The following PCDH15 variants were observed in gnomAD, a reference collection of about 807,000 sequenced individuals.
PCDH15 encodes the protein protocadherin-15.
PCDH15 carries 129 observed loss-of-function variants against 178.5 expected under a neutral mutation model. That is an observed-to-expected ratio of 0.72 (90% CI 0.63 to 0.84). The LOEUF is 0.84. PCDH15 is among the 40% of genes least tolerant of loss of function. The pLI is 0.00. For missense variants in PCDH15, 2,230 were observed against 2,099.9 expected (o/e 1.06, Z -1.21); for synonymous variants, 800 against 732.0 (o/e 1.09, Z -1.50).
intron 1 of PCDH15, among the ~76,000 whole-genome samples, chr10:54,792,963 G>C (rs960787950): frequency 6.6e-6 from 1 of 151,702 alleles, no homozygotes; most frequent in East Asian, 2.0e-4. Context: ...TGTTAGCAGA[G>C]TCCTCCACCT....
intron 3 of PCDH15, among the ~76,000 whole-genome samples, chr10:54,472,384 A>C (rs1159682873): frequency 6.6e-6 from 1 of 152,160 alleles, no homozygotes; most frequent in Non-Finnish European, 1.5e-5. Flanking sequence ...TGTTGCTTTT[A>C]ATAGTTGCAG....
intron 2 of PCDH15, among the ~76,000 whole-genome samples, chr10:55,527,562 C>A (rs1375253796): frequency 6.6e-6 from 1 of 151,902 alleles, no homozygotes; most frequent in African/African-American, 2.4e-5. Flanking sequence ...GGTGTAAGGA[C>A]TTCAATATAT....
At chr10:54,048,393 T>C (rs192755260) in intron 18 of PCDH15, among the ~76,000 whole-genome samples, 1 of 152,312 alleles carries the variant, frequency 6.6e-6, no homozygotes, top group Non-Finnish European at 1.5e-5. Flanking sequence ...TTGCAGAAGC[T>C]CCTTAGTTTA....
chr10:55,568,408 G>T (rs755267859), intron 2 of PCDH15, among the ~76,000 whole-genome samples: 10 of 151,862 alleles, frequency 6.6e-5, no homozygotes, highest in Non-Finnish European at 1.3e-4. Context: ...TGCTAATGGA[G>T]GGAAAATTTT....
At chr10:55,183,789 G>GT (rs1564871651) in intron 1 of PCDH15, among the ~76,000 whole-genome samples, 1 of 151,762 alleles carries the variant, frequency 6.6e-6, no homozygotes, top group Non-Finnish European at 1.5e-5. Context: ...ATGACCACAC[G>GT]TTTTGTTTGT....
At chr10:55,080,101 G>A (rs1258853409) in intron 2 of PCDH15, among the ~76,000 whole-genome samples, 3 of 152,054 alleles carry the variant, frequency 2.0e-5, no homozygotes, top group African/African-American at 4.8e-5. Flanking sequence ...GTTCTAGGGA[G>A]TGCACACTTT....
intron 2 of PCDH15, among the ~76,000 whole-genome samples, chr10:55,501,009 A>G (rs1291107841): frequency 2.0e-5 from 3 of 151,786 alleles, no homozygotes; most frequent in African/African-American, 7.2e-5. Context: ...TAATACCTGC[A>G]GATGTGACCT....
chr10:53,868,320 A>G (rs143013010), intron 26 of PCDH15, among the ~76,000 whole-genome samples: 264 of 152,210 alleles, frequency 1.7e-3, no homozygotes, highest in African/African-American at 6.1e-3. Context: ...AAGAATTGCT[A>G]AGAATCATAC....
intron 2 of PCDH15, among the ~76,000 whole-genome samples, chr10:55,004,674 A>G (rs1403574368): frequency 2.0e-5 from 3 of 152,142 alleles, no homozygotes; most frequent in Non-Finnish European, 4.4e-5. Context: ...AGTTCAGTTG[A>G]AGAGATGGAT....
At chr10:54,183,338 T>A (rs1564624102) in intron 13 of PCDH15, 106 bp downstream of exon 13, 1 of 1,100,040 alleles carries the variant, frequency 9.1e-7, no homozygotes, top group South Asian at 1.2e-5. Flanking sequence ...ATACAATAAG[T>A]GTGAAATCAA....
At chr10:53,907,518 A>G (rs563541246) in intron 25 of PCDH15, among the ~76,000 whole-genome samples, 9 of 152,298 alleles carry the variant, frequency 5.9e-5, no homozygotes, top group African/African-American at 2.2e-4. Context: ...AGTTATTTGG[A>G]AAGTGTTTTG....
chr10:54,627,628 T>C (rs1256614690), intron 2 of PCDH15, among the ~76,000 whole-genome samples: 5 of 152,196 alleles, frequency 3.3e-5, no homozygotes, highest in Non-Finnish European at 7.3e-5. Context: ...TATGTCTTTA[T>C]CAGCAGTGTG....
chr10:53,814,120 G>T (rs1053174831), intron 35 of PCDH15, among the ~76,000 whole-genome samples: 2 of 152,052 alleles, frequency 1.3e-5, no homozygotes, highest in African/African-American at 2.4e-5. Flanking sequence ...GAATTTTAGG[G>T]TATGTAAAAC....
chr10:55,483,492 AAAGGAATACAC>A (rs1198509850), intron 2 of PCDH15, among the ~76,000 whole-genome samples: 4 of 151,960 alleles, frequency 2.6e-5, no homozygotes, highest in African/African-American at 4.8e-5. Flanking sequence ...TTGTGGAGAA[AAAGGAATACAC>A]AAGGAATACA....
intron 2 of PCDH15, among the ~76,000 whole-genome samples, chr10:54,944,650 A>G (rs1184920737): frequency 6.6e-6 from 1 of 151,940 alleles, no homozygotes; most frequent in African/African-American, 2.4e-5. Flanking sequence ...CAGAAGAAGC[A>G]TTTAAAAAAT....
chr10:55,304,380 C>G (rs566910473), intron 1 of PCDH15, among the ~76,000 whole-genome samples: 3 of 152,276 alleles, frequency 2.0e-5, no homozygotes, highest in African/African-American at 7.2e-5. Flanking sequence ...TATCACTGCA[C>G]TGTTAATTAT....
intron 3 of PCDH15, among the ~76,000 whole-genome samples, chr10:54,488,431 T>A (rs552563317): frequency 6.6e-5 from 10 of 151,536 alleles, no homozygotes; most frequent in African/African-American, 2.4e-4. Flanking sequence ...TGTCTTAATG[T>A]TTGCCTTTTT....
Position 54,132,231 on chromosome 10 carries a change from T to C in PCDH15, c.1917+644A>G, listed in dbSNP as rs563370663. Among the ~76,000 whole-genome samples, 9 of 152,300 alleles carry C rather than the reference T, an allele frequency of 5.9e-5. No individual in the cohort carries two copies. The South Asian group carries it at 1.9e-3, about 32-fold the overall frequency. On this transcript the variant is annotated intron_variant, in intron 15 of 37. Coordinates refer to ENST00000644397, the MANE Select transcript of PCDH15 (RefSeq NM_001384140.1). ...TTGAAGCTGCATATTCAGTCAAAGATAGAGCTTTTCCTGGCCAAAGATACT... is the reference window on the plus strand; with the variant it reads ...TTGAAGCTGCATATTCAGTCAAAGACAGAGCTTTTCCTGGCCAAAGATACT...
At chr10:55,202,034 T>G (rs1335802638) in intron 1 of PCDH15, among the ~76,000 whole-genome samples, 1 of 152,076 alleles carries the variant, frequency 6.6e-6, no homozygotes, top group Non-Finnish European at 1.5e-5. Flanking sequence ...CACTAGAGAT[T>G]TTAACCAACC....
Sources: gnomAD v4.1 joint callset for allele counts (sites outside exome capture counted in the v4.1 genomes callset) on GRCh38, gnomAD v4.1.1 for gene constraint, MANE v1.5 for transcripts, NCBI Gene and HGNC (gene_info 2026-07-23, HGNC 2026-07-21) for gene names.